RSPO2: variants seen among roughly 807,000 people sequenced by gnomAD.
RSPO2 encodes the protein R-spondin 2, also known as R-spondin-2.
RSPO2 carries 14 observed loss-of-function variants against 30.9 expected under a neutral mutation model. The observed-to-expected ratio is 0.45, with a 90% CI of 0.30 to 0.71. The LOEUF (loss-of-function observed/expected upper bound fraction) is 0.71, where lower values mean the gene tolerates loss of function less well. RSPO2 is among the 30% of genes least tolerant of loss of function. RSPO2 has a pLI of 0.08. For synonymous variants in RSPO2, 107 were observed against 96.4 expected (o/e 1.11, Z -0.64); for missense variants, 264 against 301.9 (o/e 0.87, Z 0.93).
chr8:107,899,981 G>T lies in RSPO2; in HGVS notation c.*1094C>A, dbSNP rs1240913782. On this transcript the variant is annotated 3_prime_UTR_variant, in exon 6 of 6. Transcript: ENST00000276659. ...CTTCTTCAGTGACCCAAGAACATTG[G>T]TAGGTGCCTTGTCATTTAAAGCCAG... 6.6e-6 allele frequency: 1 copy of T among 152,158 alleles called. No individual in the cohort carries two copies. Among genetic ancestry groups the T allele is most frequent in the African/African-American group, 2.4e-5 (1 of 41,442 alleles). 9.4% of individuals were successfully genotyped at this position (152,158 alleles called of 1,614,324 possible). A position where few individuals can be genotyped will look rare whatever the true frequency, so the allele number is the denominator to read the frequency against.
intron 2 of RSPO2, among the ~76,000 whole-genome samples, chr8:108,079,076 CA>C (rs1298864415): frequency 6.6e-6 from 1 of 152,074 alleles, no homozygotes; most frequent in East Asian, 1.9e-4. Flanking sequence ...ACATATAAAT[CA>C]ATCATAAGTG....
At chr8:107,954,866 C>T (rs1186112601) in intron 5 of RSPO2, among the ~76,000 whole-genome samples, 1 of 151,536 alleles carries the variant, frequency 6.6e-6, no homozygotes, top group Non-Finnish European at 1.5e-5. Context: ...GTCTTGGCCT[C>T]CCAAAATGCT....
At chr8:108,027,336 A>G (rs912267010) in intron 2 of RSPO2, among the ~76,000 whole-genome samples, 2 of 152,214 alleles carry the variant, frequency 1.3e-5, no homozygotes, top group African/African-American at 4.8e-5. Flanking sequence ...GAATACATCT[A>G]CATCTGGTTC....
intron 2 of RSPO2, among the ~76,000 whole-genome samples, chr8:108,049,397 A>C (rs1041777141): frequency 1.3e-5 from 2 of 151,888 alleles, no homozygotes; most frequent in Admixed American, 1.3e-4. Flanking sequence ...CTTTTTTAAA[A>C]AAAAATTACT....
chr8:107,992,138 T>C (rs1586608338), intron 2 of RSPO2, among the ~76,000 whole-genome samples: 2 of 149,106 alleles, frequency 1.3e-5, no homozygotes, highest in African/African-American at 5.0e-5. Context: ...TCAACTTAGG[T>C]ACCCATCAAC....
At chr8:108,082,506 C>A in intron 2 of RSPO2, 39 bp downstream of exon 2, 2 of 1,546,746 alleles carry the variant, frequency 1.3e-6, no homozygotes, top group Non-Finnish European at 1.8e-6. Flanking sequence ...CACGCCACCC[C>A]TGAAGCCCAC....
chr8:108,003,940 T>A (rs915024361), intron 2 of RSPO2, among the ~76,000 whole-genome samples: 53 of 152,328 alleles, frequency 3.5e-4, no homozygotes, highest in African/African-American at 1.3e-3. Context: ...CATTATACCA[T>A]AATTTAAATT....
rs919765464 is a variant in RSPO2 at position 108,083,310 on chromosome 8, T to G, written c.-283A>C. On this transcript the variant is annotated 5_prime_UTR_variant, in exon 1 of 6. Coordinates refer to ENST00000276659, the MANE Select transcript of RSPO2 (RefSeq NM_178565.5). ...TGGGGAAAAGTTTGCCGAGACCGGC[T>G]GGGAGCGCCTGGCAGCTCTGGAATT... is the stretch of plus-strand genomic sequence containing the variant. 2.0e-5 allele frequency: 3 copies of G among 152,212 alleles called. No homozygotes were observed. Among genetic ancestry groups the G allele is most frequent in the African/African-American group, 7.2e-5 (3 of 41,448 alleles). 9.4% of individuals were successfully genotyped at this position (152,212 alleles called of 1,614,324 possible).
chr8:108,077,131 T>A (rs1019236954), intron 2 of RSPO2, among the ~76,000 whole-genome samples: 1 of 152,176 alleles, frequency 6.6e-6, no homozygotes, highest in African/African-American at 2.4e-5. Flanking sequence ...AAAAAATAAG[T>A]CTAACATTTA....
At chr8:107,952,562 A>G (rs1290949249) in intron 5 of RSPO2, among the ~76,000 whole-genome samples, 1 of 152,010 alleles carries the variant, frequency 6.6e-6, no homozygotes, top group African/African-American at 2.4e-5. Flanking sequence ...CTTCCAAACT[A>G]CTCTTTAGGG....
At chr8:108,073,140 A>G (rs532140711) in intron 2 of RSPO2, 7 of 152,336 alleles carry the variant, frequency 4.6e-5, no homozygotes, top group African/African-American at 1.7e-4. Flanking sequence ...ATTAGCGATC[A>G]AAACAAGAAA....
At chr8:108,047,442 CT>C (rs1811938974) in intron 2 of RSPO2, among the ~76,000 whole-genome samples, 1 of 152,106 alleles carries the variant, frequency 6.6e-6, no homozygotes, top group Non-Finnish European at 1.5e-5. Context: ...TTCAAAATAC[CT>C]TAGGAAAATT....
intron 5 of RSPO2, among the ~76,000 whole-genome samples, chr8:107,925,322 G>T (rs1268596432): frequency 6.6e-6 from 1 of 151,668 alleles, no homozygotes; most frequent in Non-Finnish European, 1.5e-5. Flanking sequence ...TTTAAAAGAG[G>T]TGTAAAACAA....
At chr8:107,969,164 T>A (rs1813913868) in intron 3 of RSPO2, among the ~76,000 whole-genome samples, 2 of 152,138 alleles carry the variant, frequency 1.3e-5, no homozygotes. Flanking sequence ...AATACCTGAC[T>A]TACCTATATC....
chr8:108,036,294 G>T (rs543510433), intron 2 of RSPO2, among the ~76,000 whole-genome samples: 5 of 152,016 alleles, frequency 3.3e-5, no homozygotes, highest in Non-Finnish European at 5.9e-5. Flanking sequence ...AATCTATTCC[G>T]CCTGTGTGCT....
chr8:108,010,163 C>A (rs1810655030), intron 2 of RSPO2, among the ~76,000 whole-genome samples: 1 of 152,002 alleles, frequency 6.6e-6, no homozygotes, highest in Non-Finnish European at 1.5e-5. Context: ...GCATAAAGGG[C>A]TAAGTAATCT....
At chr8:107,979,973 C>A (rs1169354987) in intron 3 of RSPO2, among the ~76,000 whole-genome samples, 2 of 152,192 alleles carry the variant, frequency 1.3e-5, no homozygotes, top group Non-Finnish European at 2.9e-5. Flanking sequence ...GCTTATGAAT[C>A]CTCCATCCTC....
intron 5 of RSPO2, among the ~76,000 whole-genome samples, chr8:107,947,006 A>G (rs1813083877): frequency 6.6e-6 from 1 of 152,240 alleles, no homozygotes; most frequent in African/African-American, 2.4e-5. Context: ...AAGGGATTAG[A>G]ATTCAGAGGA....
chr8:107,960,016 T>C (rs548693134), intron 4 of RSPO2, among the ~76,000 whole-genome samples: 3 of 152,242 alleles, frequency 2.0e-5, no homozygotes, highest in Non-Finnish European at 4.4e-5. Flanking sequence ...CATGATTAGA[T>C]TAAGAGATTC....
Sources: gnomAD v4.1 joint callset for allele counts (sites outside exome capture counted in the v4.1 genomes callset) on GRCh38, gnomAD v4.1.1 for gene constraint, MANE v1.5 for transcripts, NCBI Gene and HGNC (gene_info 2026-07-23, HGNC 2026-07-21) for gene names.